Variants in CHORDC1 observed in about 807,000 individuals in gnomAD.
CHORDC1 encodes the protein cysteine and histidine rich domain containing 1.
In CHORDC1, 25 loss-of-function variants were observed where a neutral mutation model predicts 48.3. The ratio of observed to expected loss-of-function variants is 0.52; its 90% confidence interval spans 0.38 to 0.72. The LOEUF (loss-of-function observed/expected upper bound fraction) is 0.72. Among genes scored for constraint, CHORDC1 ranks in the 30% least tolerant of loss-of-function variants. The pLI is 0.00. For synonymous variants in CHORDC1, 128 were observed against 126.4 expected (o/e 1.01, Z -0.09); for missense variants, 317 against 388.7 (o/e 0.82, Z 1.55).
Position 90,205,455 on chromosome 11 carries a change from C to T in CHORDC1, c.669+5G>A, listed in dbSNP as rs1465662943. ...CAGTGTGCTATTTTTGGAAGAGTTA[C>T]TTACAGCATCTTTTTTAGTCCACAT... On this transcript the variant is annotated splice_donor_5th_base_variant and intron_variant, in intron 8 of 10. Transcript: ENST00000320585. The T allele has an allele frequency of 6.5e-7, 1 of 1,532,542 alleles. No homozygotes were observed. Among genetic ancestry groups the T allele is most frequent in the Non-Finnish European group, 9.0e-7 (1 of 1,113,388 alleles). The allele number at this position is 1,532,542 out of a possible 1,614,324, so 94.9% of individuals were successfully genotyped here.
In CHORDC1 at chr11:90,211,248, T is replaced by A; in HGVS notation, c.400A>T (p.Lys134Ter). ...TTTTCTTCATTCCCTGATGACAGTTTAAGTTTATCAAGTGCTTGTTTTAGG... is the reference window on the plus strand; with the variant it reads ...TTTTCTTCATTCCCTGATGACAGTTAAAGTTTATCAAGTGCTTGTTTTAGG... ...ASLKQALDKLKLSSGNEENKK... is the reference protein window; with the variant it reads ...ASLKQALDKL Residue 134 changes from lysine to a stop codon, truncating the protein, a stop_gained, in exon 5 of 11, where the codon AAA (lysine) becomes TAA (stop). Coordinates refer to ENST00000320585, the MANE Select transcript of CHORDC1 (RefSeq NM_012124.3). LOFTEE classifies it high-confidence loss of function. 1 of 1,601,134 alleles carries A rather than the reference T, an allele frequency of 6.2e-7. No homozygotes were observed. The highest frequency in any genetic ancestry group is 8.5e-7 in the Non-Finnish European group (1 of 1,169,758).
At chr11:90,213,961 C>T in intron 4 of CHORDC1, 57 bp downstream of exon 4, 1 of 1,381,060 alleles carries the variant, frequency 7.2e-7, no homozygotes, top group South Asian at 1.4e-5. Flanking sequence ...AGGAAAGTAC[C>T]ATGCACAAGT....
intron 6 of CHORDC1, chr11:90,207,682 C>T (rs1018308995): frequency 8.1e-6 from 1 of 122,936 alleles, no homozygotes; most frequent in African/African-American, 3.2e-5. Flanking sequence ...AATAAACATA[C>T]AAAAAAGCAG....
chr11:90,214,485 T>C (rs1312244764), intron 3 of CHORDC1, among the ~76,000 whole-genome samples: 1 of 152,092 alleles, frequency 6.6e-6, no homozygotes, highest in African/African-American at 2.4e-5. Flanking sequence ...AAAATAGTTA[T>C]ACAGAAAAAT....
chr11:90,215,598 C>T (rs1857988714), intron 2 of CHORDC1, among the ~76,000 whole-genome samples: 1 of 150,426 alleles, frequency 6.6e-6, no homozygotes, highest in South Asian at 2.1e-4. Context: ...AGGTATTTTA[C>T]TTTTAAAATC....
In CHORDC1 at chr11:90,201,772, T is replaced by G. The variant is rs1857549696; in HGVS notation, c.*633A>C. The G allele has an allele frequency of 6.6e-6, 1 of 152,420 alleles. No individual in the cohort carries two copies. The highest frequency in any genetic ancestry group is 6.6e-5 in the Admixed American group (1 of 15,266). 9.4% of individuals were successfully genotyped at this position (152,420 alleles called of 1,614,324 possible). A position where few individuals can be genotyped will look rare whatever the true frequency, so the allele number is the denominator to read the frequency against. On this transcript the variant is annotated 3_prime_UTR_variant, in exon 11 of 11. Transcript: ENST00000320585. ...TGATACCTCTGTAATCTTATTTATG[T>G]TTCCTATAACATCATACTGCTTGGC... is the stretch of plus-strand genomic sequence containing the variant.
chr11:90,201,023 C>A lies in CHORDC1; in HGVS notation c.*1382G>T, dbSNP rs1346927372. 6.6e-6 allele frequency: 1 copy of A among 151,870 alleles called. No individual in the cohort carries two copies. The highest frequency in any genetic ancestry group is 2.4e-5 in the African/African-American group (1 of 41,412). 9.4% of individuals were successfully genotyped at this position (151,870 alleles called of 1,614,324 possible). A position where few individuals can be genotyped will look rare whatever the true frequency, so the allele number is the denominator to read the frequency against. On this transcript the variant is annotated 3_prime_UTR_variant, in exon 11 of 11. Coordinates refer to ENST00000320585, the MANE Select transcript of CHORDC1 (RefSeq NM_012124.3). ...CATCATGAAAGTCTGGTTGCCAGAT[C>A]TTTATGTTTTTATTTGTAACAGAGC...
intron 3 of CHORDC1, among the ~76,000 whole-genome samples, chr11:90,214,625 T>A (rs1251153023): frequency 6.6e-6 from 1 of 152,102 alleles, no homozygotes; most frequent in Admixed American, 6.5e-5. Flanking sequence ...TCAGGTAAGA[T>A]ATTTTCTGAG....
In CHORDC1 at chr11:90,206,171, A is replaced by T. The variant is rs757314095; in HGVS notation, c.563+31T>A. The T allele has an allele frequency of 3.2e-6, 4 of 1,240,654 alleles. No homozygotes were observed. The Admixed American group carries it at 5.2e-5, about 16-fold the overall frequency. The allele number at this position is 1,240,654 out of a possible 1,614,324, so 76.9% of individuals were successfully genotyped here. ...GGTTTAACTTTCTAAATTCTACCAT[A>T]AACTATTTTAATAAGTCATGCATAA... On this transcript the variant is annotated intron_variant, in intron 7 of 10. Transcript: ENST00000320585.
At chr11:90,213,914 A>G in intron 4 of CHORDC1, 104 bp downstream of exon 4, 1 of 999,374 alleles carries the variant, frequency 1.0e-6, no homozygotes, top group Non-Finnish European at 1.5e-6. Flanking sequence ...TTGGTGGCCT[A>G]CATAGTAGCT....
At position 90,214,090 on chromosome 11, in the gene CHORDC1, C is replaced by A. The variant is rs3203993; in HGVS notation, c.257G>T (p.Cys86Phe). The A allele has an allele frequency of 1.2e-6, 2 of 1,613,572 alleles. No individual in the cohort carries two copies. The highest frequency in any genetic ancestry group is 1.7e-6 in the Non-Finnish European group (2 of 1,179,602). ...TTCCTGAAATTTGGGTTTTAATTCA[C>A]ATAGCTCCTTCTTCTCAGTAGTCTT... ...EVKTTEKKEL[C>F]ELKPKFQEHI... Residue 86 changes from cysteine (C) to phenylalanine (F), a missense_variant, in exon 4 of 11, where the codon TGT becomes TTT. By Grantham distance (205) the Cys-to-Phe change is radical. Transcript: ENST00000320585.
At chr11:90,221,637 T>C (rs16917622) in intron 1 of CHORDC1, among the ~76,000 whole-genome samples, 18,987 of 152,246 alleles carry the variant, frequency 0.12, 1,257 homozygotes, top group South Asian at 0.19. Context: ...CCAAAGGGCT[T>C]TAAAATCGTT....
At position 90,202,317 on chromosome 11, in the gene CHORDC1, CAAAACA is replaced by C; in HGVS notation, c.*82_*87del. The C allele has an allele frequency of 7.7e-7, 1 of 1,304,528 alleles. No individual in the cohort carries two copies. The highest frequency in any genetic ancestry group is 2.3e-5 in the East Asian group (1 of 42,706). 80.8% of individuals were successfully genotyped at this position (1,304,528 alleles called of 1,614,324 possible). On this transcript the variant is annotated 3_prime_UTR_variant, in exon 11 of 11. Transcript: ENST00000320585. Reference sequence around the variant, plus strand: ...AATGCCACATTCAGTAACACAACAACAAAACAAAAGATTACAGCAGCAAGCCACCAC... The same window carrying C: ...AATGCCACATTCAGTAACACAACAACAAAGATTACAGCAGCAAGCCACCAC...
intron 4 of CHORDC1, chr11:90,213,191 A>G (rs1029144779): frequency 1.2e-4 from 51 of 435,684 alleles, no homozygotes; most frequent in Middle Eastern, 5.9e-4. Context: ...ACAAATAAAC[A>G]TCTAAAGTCT....
Position 90,214,006 on chromosome 11 carries a change from T to TA in CHORDC1, c.329+11dup. ...CAAGTGTGACAAAAATATGTAACTG[T>TA]ATAAAGTATACCTTGGTCTTTTTAT... is the stretch of plus-strand genomic sequence containing the variant. On this transcript the variant is annotated intron_variant, in intron 4 of 10. Coordinates refer to ENST00000320585, the MANE Select transcript of CHORDC1 (RefSeq NM_012124.3). The TA allele has an allele frequency of 1.9e-6, 3 of 1,602,054 alleles. No individual in the cohort carries two copies. Among genetic ancestry groups the TA allele is most frequent in the Non-Finnish European group, 2.6e-6 (3 of 1,173,914 alleles).
intron 8 of CHORDC1, 115 bp from the exon 9 acceptor site, chr11:90,203,542 A>G: frequency 2.2e-6 from 2 of 920,032 alleles, no homozygotes; most frequent in South Asian, 5.4e-5. Context: ...TAAGCACTTA[A>G]TGTTTAAGGG....
intron 8 of CHORDC1, among the ~76,000 whole-genome samples, chr11:90,204,503 G>A (rs1478215983): frequency 1.3e-5 from 2 of 152,076 alleles, no homozygotes; most frequent in South Asian, 2.1e-4. Flanking sequence ...GGTGGATCAC[G>A]AGGTCAGGAG....
Position 90,201,971 on chromosome 11 carries a change from A to G in CHORDC1, c.*434T>C, listed in dbSNP as rs1857553700. The G allele has an allele frequency of 6.5e-6, 1 of 152,998 alleles. No homozygotes were observed. The highest frequency in any genetic ancestry group is 1.5e-5 in the Non-Finnish European group (1 of 68,518). The allele number at this position is 152,998 out of a possible 1,614,324, so 9.5% of individuals were successfully genotyped here. A position where few individuals can be genotyped will look rare whatever the true frequency, so the allele number is the denominator to read the frequency against. ...CTGCAGAGCTTCATCTCTTCCTTAA[A>G]TATTTTCAAGTACTGTAAGAACACA... On this transcript the variant is annotated 3_prime_UTR_variant, in exon 11 of 11. Transcript: ENST00000320585.
At chr11:90,221,782 A>G (rs1858178734) in intron 1 of CHORDC1, among the ~76,000 whole-genome samples, 1 of 152,184 alleles carries the variant, frequency 6.6e-6, no homozygotes, top group Admixed American at 6.5e-5. Flanking sequence ...ACTCTGTATC[A>G]ATGGTCTTAT....
Sources: allele counts gnomAD v4.1 joint callset (sites outside exome capture counted in the v4.1 genomes callset), GRCh38; gene constraint gnomAD v4.1.1; transcripts MANE v1.5; gene names NCBI Gene and HGNC (gene_info 2026-07-23, HGNC 2026-07-21).